The following SH3PXD2B variants were observed in gnomAD, a reference collection of about 807,000 sequenced individuals.
SH3PXD2B encodes SH3 and PX domain-containing protein 2B.
Under a neutral mutation model 73.1 loss-of-function variants are expected in SH3PXD2B, and 37 were observed. That is an observed-to-expected ratio of 0.51 (90% CI 0.39 to 0.67). SH3PXD2B has a LOEUF of 0.67. Ranked by LOEUF, SH3PXD2B falls within the 30% of genes least tolerant of loss-of-function variation. The pLI, the probability that SH3PXD2B is intolerant of heterozygous loss-of-function variation, is 0.00. For missense variants in SH3PXD2B, 1,053 were observed against 1,197.8 expected (o/e 0.88, Z 1.78); for synonymous variants, 457 against 480.5 (o/e 0.95, Z 0.64).
At chr5:172,330,007 G>A (rs1232391909), downstream of SH3PXD2B, among the ~76,000 whole-genome samples, 3 of 152,172 alleles carry the variant, frequency 2.0e-5, no homozygotes, top group Admixed American at 1.3e-4. Context: ...CAATCTCACT[G>A]CGGGTTGTGT....
At chr5:172,327,589 T>C (rs1016932553) in intron 12 of SH3PXD2B, among the ~76,000 whole-genome samples, 1 of 152,166 alleles carries the variant, frequency 6.6e-6, no homozygotes, top group Non-Finnish European at 1.5e-5. Flanking sequence ...CAGTAGCCAA[T>C]AGACAGTTTA....
chr5:172,411,642 C>T (rs1251159386), intron 2 of SH3PXD2B, among the ~76,000 whole-genome samples: 14 of 152,112 alleles, frequency 9.2e-5, no homozygotes, highest in Non-Finnish European at 1.3e-4. Context: ...CAGCCTGCTC[C>T]GCGGCGGGGC....
intron 4 of SH3PXD2B, among the ~76,000 whole-genome samples, chr5:172,390,100 T>C (rs1192406580): frequency 6.6e-6 from 1 of 152,230 alleles, no homozygotes; most frequent in East Asian, 1.9e-4. Flanking sequence ...TCAATGTTAT[T>C]TGGTAAATTA....
chr5:172,442,469 A>G (rs1194508940), intron 1 of SH3PXD2B, among the ~76,000 whole-genome samples: 5 of 152,220 alleles, frequency 3.3e-5, no homozygotes, highest in African/African-American at 1.2e-4. Context: ...AAGGCTATAT[A>G]TATCATTTAT....
At chr5:172,349,888 C>T (rs1339497382) in intron 10 of SH3PXD2B, among the ~76,000 whole-genome samples, 6 of 152,074 alleles carry the variant, frequency 3.9e-5, no homozygotes, top group South Asian at 2.1e-4. Flanking sequence ...TCACTCTTGT[C>T]GCCCAGGCTG....
At chr5:172,332,674 T>C (rs917117947), downstream of SH3PXD2B, among the ~76,000 whole-genome samples, 6 of 152,124 alleles carry the variant, frequency 3.9e-5, no homozygotes, top group East Asian at 1.9e-4. Flanking sequence ...GAATATTGCA[T>C]GTATATCCCT....
At chr5:172,371,910 G>A (rs186597003) in intron 6 of SH3PXD2B, among the ~76,000 whole-genome samples, 15 of 152,274 alleles carry the variant, frequency 9.9e-5, no homozygotes, top group African/African-American at 3.1e-4. Context: ...AATTATCCCC[G>A]GGGCTCGGGA....
intron 12 of SH3PXD2B, among the ~76,000 whole-genome samples, chr5:172,327,252 T>G (rs2113210628): frequency 6.6e-6 from 1 of 152,344 alleles, no homozygotes; most frequent in Non-Finnish European, 1.5e-5. Context: ...TAGGTATACA[T>G]TATTTCCATT....
At chr5:172,328,915 G>C (rs1371182234), downstream of SH3PXD2B, among the ~76,000 whole-genome samples, 1 of 151,702 alleles carries the variant, frequency 6.6e-6, no homozygotes, top group Non-Finnish European at 1.5e-5. Context: ...CCAAGCATGG[G>C]TGTATGTAAG....
chr5:172,357,355 C>T (rs895857317), intron 8 of SH3PXD2B, among the ~76,000 whole-genome samples: 4 of 149,616 alleles, frequency 2.7e-5, no homozygotes, highest in Non-Finnish European at 4.4e-5. Flanking sequence ...ACCCAGGAGG[C>T]GGAGGTCGCA....
chr5:172,367,389 G>GT (rs34660682), intron 6 of SH3PXD2B, among the ~76,000 whole-genome samples: 5,218 of 137,634 alleles, frequency 0.038, 161 homozygotes, highest in South Asian at 0.18. Flanking sequence ...CCTCTCATCA[G>GT]TTTTTTTTTT....
At chr5:172,433,002 A>G (rs1759289898) in intron 1 of SH3PXD2B, among the ~76,000 whole-genome samples, 1 of 151,902 alleles carries the variant, frequency 6.6e-6, no homozygotes, top group East Asian at 1.9e-4. Context: ...ACACACACAC[A>G]GTTACGCACC....
At chr5:172,420,801 T>A (rs1253151999) in intron 2 of SH3PXD2B, among the ~76,000 whole-genome samples, 1 of 152,180 alleles carries the variant, frequency 6.6e-6, no homozygotes, top group Non-Finnish European at 1.5e-5. Context: ...TTTTACCCTT[T>A]CCTGCTGGGT....
At chr5:172,341,881 T>A (rs1309243143) in intron 12 of SH3PXD2B, among the ~76,000 whole-genome samples, 1 of 151,796 alleles carries the variant, frequency 6.6e-6, no homozygotes, top group Non-Finnish European at 1.5e-5. Context: ...ATGGGCTTGA[T>A]CTCCTGACCT....
chr5:172,342,429 G>A (rs1175414647), intron 12 of SH3PXD2B, among the ~76,000 whole-genome samples: 9 of 152,144 alleles, frequency 5.9e-5, no homozygotes, highest in Admixed American at 2.6e-4. Context: ...CAAAGGCAGC[G>A]GGGTGGGCTT....
At position 172,333,643 on chromosome 5, in the gene SH3PXD2B, T is replaced by C; in HGVS notation, c.*4726A>G. 4 of 1,289,324 alleles carry C rather than the reference T, an allele frequency of 3.1e-6. 1 individual carries two copies. Among genetic ancestry groups the C allele is most frequent in the Middle Eastern group, 4.3e-4 (2 of 4,694 alleles). The allele number at this position is 1,289,324 out of a possible 1,614,324, so 79.9% of individuals were successfully genotyped here. A position where few individuals can be genotyped will look rare whatever the true frequency, so the allele number is the denominator to read the frequency against. ...CCCTCACATCCTATATACTCATTTA[T>C]TTAATGTGTTAAAGGAAACAAAAAC... On this transcript the variant is annotated 3_prime_UTR_variant, in exon 13 of 13. Coordinates refer to ENST00000311601, the MANE Select transcript of SH3PXD2B (RefSeq NM_001017995.3).
At chr5:172,428,422 A>T (rs769168878) in intron 1 of SH3PXD2B, among the ~76,000 whole-genome samples, 3 of 152,244 alleles carry the variant, frequency 2.0e-5, no homozygotes, top group Non-Finnish European at 4.4e-5. Flanking sequence ...AATAGCGACA[A>T]TAACAAGTGC....
intron 5 of SH3PXD2B, 147 bp from the exon 6 acceptor site, chr5:172,373,962 C>T (rs924417667): frequency 5.9e-6 from 5 of 848,012 alleles, no homozygotes; most frequent in Non-Finnish European, 7.5e-6. Context: ...TAGAGGAACC[C>T]TGACTTCTTC....
chr5:172,357,023 G>A (rs1180525806), intron 8 of SH3PXD2B, among the ~76,000 whole-genome samples: 1 of 151,224 alleles, frequency 6.6e-6, no homozygotes, highest in Non-Finnish European at 1.5e-5. Flanking sequence ...TTAGGCTGAG[G>A]TGGGAGGATC....
Sources: allele counts gnomAD v4.1 joint callset (sites outside exome capture counted in the v4.1 genomes callset), GRCh38; gene constraint gnomAD v4.1.1; transcripts MANE v1.5; gene names NCBI Gene and HGNC (gene_info 2026-07-23, HGNC 2026-07-21).